The following PARVB variants were observed in gnomAD, a reference collection of about 807,000 sequenced individuals.
PARVB encodes beta-parvin.
PARVB carries 46 observed loss-of-function variants against 47.0 expected under a neutral mutation model. The ratio of observed to expected loss-of-function variants is 0.98; its 90% confidence interval spans 0.77 to 1.25. The LOEUF (loss-of-function observed/expected upper bound fraction) is 1.25, where lower values mean the gene tolerates loss of function less well. Ranked by LOEUF, PARVB falls within the 50% of genes most tolerant of loss-of-function variation. The pLI, the probability that PARVB is intolerant of heterozygous loss-of-function variation, is 0.00. For missense variants in PARVB, 473 were observed against 471.6 expected, an observed-to-expected ratio of 1.00 and a Z score of -0.03; for synonymous variants, 196 against 196.3, an observed-to-expected ratio of 1.00 and a Z score of 0.01.
chr22:44,128,586 A>G lies in PARVB; in HGVS notation c.377-2901A>G, dbSNP rs117215088. 5.1e-4 allele frequency among the ~76,000 whole-genome samples: 78 copies of G among 152,292 alleles called. No individual in the cohort carries two copies. The East Asian group carries it at 0.014, about 28-fold the overall frequency. On this transcript the variant is annotated intron_variant, in intron 4 of 12. Transcript: ENST00000338758. The stretch of plus-strand genomic sequence containing the variant: ...TCTGTTGCCTGCTGTTTCCACCACC[A>G]AATTCATATTTTCAAGTCCTACATG...
At chr22:44,107,400 C>G (rs991429493) in intron 3 of PARVB, 2 of 152,318 alleles carry the variant, frequency 1.3e-5, no homozygotes, top group Admixed American at 1.3e-4. Context: ...TGTACAGTTG[C>G]CATATAAGGA....
chr22:44,059,516 C>T (rs970412883), intron 1 of PARVB, among the ~76,000 whole-genome samples: 2 of 152,180 alleles, frequency 1.3e-5, no homozygotes, highest in African/African-American at 4.8e-5. Context: ...CATCCTGTTC[C>T]ATTTGTCAGC....
At chr22:44,153,918 T>G (rs1187468181) in intron 10 of PARVB, among the ~76,000 whole-genome samples, 1 of 152,236 alleles carries the variant, frequency 6.6e-6, no homozygotes, top group Non-Finnish European at 1.5e-5. Flanking sequence ...AGCAGCTTTG[T>G]GCACGGCTGT....
At chr22:44,069,841 T>A (rs2051616392) in intron 1 of PARVB, among the ~76,000 whole-genome samples, 1 of 152,188 alleles carries the variant, frequency 6.6e-6, no homozygotes, top group African/African-American at 2.4e-5. Flanking sequence ...GGGTTTCTCG[T>A]TAGTGGTCTT....
intron 2 of PARVB, among the ~76,000 whole-genome samples, chr22:44,018,279 G>A (rs1303976913): frequency 1.3e-5 from 2 of 152,112 alleles, no homozygotes; most frequent in Non-Finnish European, 2.9e-5. Context: ...GTGGGCATCT[G>A]TAATCCCAGC....
intron 6 of PARVB, among the ~76,000 whole-genome samples, chr22:44,135,141 C>T (rs1326887991): frequency 6.6e-6 from 1 of 152,218 alleles, no homozygotes; most frequent in Non-Finnish European, 1.5e-5. Context: ...AATGAGTTCC[C>T]AGTCCCTTGA....
chr22:44,020,359 A>C (rs1011362678), upstream of PARVB, among the ~76,000 whole-genome samples: 4 of 152,018 alleles, frequency 2.6e-5, no homozygotes, highest in Admixed American at 2.6e-4. Context: ...TATTTTGTAC[A>C]GAGGGGGTCT....
rs1484874778 is a variant in PARVB at position 44,079,429 on chromosome 22, CA to C, written c.113-14497del. On this transcript the variant is annotated intron_variant, in intron 1 of 12. Coordinates refer to ENST00000338758, the MANE Select transcript of PARVB (RefSeq NM_013327.5). ...GAGGAGACACAGGCTCAAGGAACAGCAAGGTTTGTGGGACACAGCTGTGTCT... is the reference window on the plus strand; with the variant it reads ...GAGGAGACACAGGCTCAAGGAACAGCAGGTTTGTGGGACACAGCTGTGTCT... Among the ~76,000 whole-genome samples the C allele has an allele frequency of 2.0e-4, 30 of 152,150 alleles. 1 individual carries two copies. The highest frequency in any genetic ancestry group is 7.4e-5 in the Non-Finnish European group (5 of 68,024).
intron 2 of PARVB, among the ~76,000 whole-genome samples, chr22:44,014,835 C>T (rs1049161954): frequency 3.3e-5 from 5 of 149,550 alleles, no homozygotes; most frequent in Middle Eastern, 3.4e-3. Context: ...ACAAAAAAAT[C>T]ATTACAACAG....
intron 12 of PARVB, among the ~76,000 whole-genome samples, chr22:44,165,757 G>T (rs576228021): frequency 2.4e-4 from 37 of 152,342 alleles, no homozygotes; most frequent in Middle Eastern, 6.8e-3. Flanking sequence ...CAGGGCCCAC[G>T]GGCAGTGCCA....
chr22:44,002,619 C>G (rs1387665871), intron 2 of PARVB, among the ~76,000 whole-genome samples: 1 of 152,040 alleles, frequency 6.6e-6, no homozygotes, highest in Non-Finnish European at 1.5e-5. Flanking sequence ...GGATGTCTTT[C>G]CTGCGTGGCT....
intron 1 of PARVB, among the ~76,000 whole-genome samples, chr22:44,072,828 AT>A (rs1337083859): frequency 6.6e-6 from 1 of 152,168 alleles, no homozygotes; most frequent in African/African-American, 2.4e-5. Context: ...TCCGTCATGA[AT>A]AAGTCCCCTA....
intron 1 of PARVB, among the ~76,000 whole-genome samples, chr22:44,071,449 C>G (rs1452454321): frequency 2.6e-5 from 4 of 152,166 alleles, no homozygotes; most frequent in African/African-American, 7.2e-5. Context: ...AGTACAGCCA[C>G]CCACGAAAGG....
At chr22:44,140,556 A>G in intron 8 of PARVB, 1 of 534,426 alleles carries the variant, frequency 1.9e-6, no homozygotes, top group Non-Finnish European at 3.7e-6. Flanking sequence ...TTCCATGTGT[A>G]TTATTTCCTC....
At chr22:44,083,010 G>A (rs1448874537) in intron 1 of PARVB, among the ~76,000 whole-genome samples, 2 of 152,048 alleles carry the variant, frequency 1.3e-5, no homozygotes, top group African/African-American at 4.8e-5. Context: ...GGTGAGGCTG[G>A]GGGGATGTTG....
At chr22:44,039,841 A>C (rs1378855604) in intron 1 of PARVB, 1 of 455,376 alleles carries the variant, frequency 2.2e-6, no homozygotes, top group Non-Finnish European at 4.4e-6. Context: ...CAAAGATGAG[A>C]TCTCACTCTG....
rs547605667 is a variant in PARVB, at chr22:44,155,531, T to A, written c.844-2451T>A. Among the ~76,000 whole-genome samples the A allele has an allele frequency of 6.6e-6, 1 of 152,208 alleles. No individual in the cohort carries two copies. Among genetic ancestry groups the A allele is most frequent in the East Asian group, 1.9e-4 (1 of 5,158 alleles). On this transcript the variant is annotated intron_variant, in intron 10 of 12. Coordinates refer to ENST00000338758, the MANE Select transcript of PARVB (RefSeq NM_013327.5). The surrounding 1 kb of genome is among the most constrained non-coding windows in gnomAD (Gnocchi z 4.8). Reference sequence around the variant, plus strand: ...GGAAGGAAGAAAAGACTCAGCAGGCTCAGGGCCTGCGGGAGCAGCGGCGTG... The same window carrying A: ...GGAAGGAAGAAAAGACTCAGCAGGCACAGGGCCTGCGGGAGCAGCGGCGTG...
chr22:44,140,271 T>C, intron 8 of PARVB, 128 bp downstream of exon 8: 2 of 949,840 alleles, frequency 2.1e-6, no homozygotes, highest in Non-Finnish European at 3.5e-6. Context: ...CCCATAGTTC[T>C]GGAATCCTAG....
intron 1 of PARVB, 89 bp downstream of exon 1, chr22:44,024,540 C>A: frequency 1.9e-6 from 1 of 535,740 alleles, no homozygotes; most frequent in South Asian, 8.3e-5. Context: ...CCGCCCCCGC[C>A]CTCCCCCACG....
Sources: gnomAD v4.1 joint callset for allele counts (sites outside exome capture counted in the v4.1 genomes callset) on GRCh38, gnomAD v4.1.1 for gene constraint, Gnocchi (gnomAD v3.1) non-coding constraint, MANE v1.5 for transcripts, NCBI Gene and HGNC (gene_info 2026-07-23, HGNC 2026-07-21) for gene names.